Variants in VIRMA observed in about 807,000 individuals in gnomAD.
VIRMA encodes the protein vir like m6A methyltransferase associated.
In VIRMA, 65 loss-of-function variants were observed where a neutral mutation model predicts 182.4. The ratio of observed to expected loss-of-function variants is 0.36; its 90% CI spans 0.29 to 0.44. The LOEUF (loss-of-function observed/expected upper bound fraction) is 0.44. Among genes scored for constraint, VIRMA ranks in the 20% least tolerant of loss-of-function variants. The pLI, the probability that VIRMA is intolerant of heterozygous loss-of-function variation, is 1.00. For missense variants in VIRMA, 1,752 were observed against 2,158.1 expected (o/e 0.81, Z 3.73); for synonymous variants, 709 against 743.1 (o/e 0.95, Z 0.75).
chr8:94,494,101 A>AT (rs113208792), intron 20 of VIRMA, among the ~76,000 whole-genome samples: 46,093 of 151,932 alleles, frequency 0.3, 7,073 homozygotes, highest in South Asian at 0.47. Flanking sequence ...TACCCCGTCA[A>AT]GTAAGAAAAC....
chr8:94,540,599 C>G (rs1815514794), intron 2 of VIRMA, among the ~76,000 whole-genome samples: 2 of 151,658 alleles, frequency 1.3e-5, no homozygotes, highest in Non-Finnish European at 2.9e-5. Context: ...GTAGCTGAGA[C>G]TACAGGCACG....
intron 1 of VIRMA, among the ~76,000 whole-genome samples, chr8:94,552,578 T>A (rs1298432153): frequency 6.6e-6 from 1 of 152,150 alleles, no homozygotes; most frequent in Non-Finnish European, 1.5e-5. Context: ...TTTTTTTTTT[T>A]AACAATTTCT....
intron 1 of VIRMA, among the ~76,000 whole-genome samples, chr8:94,546,195 G>A (rs1164623379): frequency 6.6e-6 from 1 of 151,104 alleles, no homozygotes; most frequent in African/African-American, 2.5e-5. Flanking sequence ...TTCATCCACA[G>A]CCAGAGGACA....
chr8:94,526,423 A>G lies in VIRMA; in HGVS notation c.1821T>C (p.Ala607=). The change falls in exon 8 of 24, where the codon GCT becomes GCC. Residue 607 remains alanine (A), a synonymous_variant. Transcript: ENST00000297591. ...TNPEYENEVE[A]SMDMDLLESS... is the part of the protein sequence containing the mutation. ...ATTCCAAAAGATCCATATCCATAGAAGCTTCCACCTCATTTTCATATTCTG... is the reference window on the plus strand; with the variant it reads ...ATTCCAAAAGATCCATATCCATAGAGGCTTCCACCTCATTTTCATATTCTG... 1 of 1,613,870 alleles carries G rather than the reference A, an allele frequency of 6.2e-7. No homozygotes were observed. The highest frequency in any genetic ancestry group is 8.5e-7 in the Non-Finnish European group (1 of 1,179,946).
At chr8:94,521,243 G>T (rs1306481798) in intron 8 of VIRMA, among the ~76,000 whole-genome samples, 1 of 151,978 alleles carries the variant, frequency 6.6e-6, no homozygotes, top group African/African-American at 2.4e-5. Context: ...GTGTGTTGCT[G>T]CCCTCTCTGT....
chr8:94,513,263 G>C (rs1438069832), intron 11 of VIRMA, among the ~76,000 whole-genome samples: 1 of 152,072 alleles, frequency 6.6e-6, no homozygotes, highest in East Asian at 1.9e-4. Context: ...CTTGAATCTG[G>C]AAGATGGAAG....
intron 4 of VIRMA, among the ~76,000 whole-genome samples, chr8:94,536,795 C>T (rs996026578): frequency 1.5e-4 from 23 of 152,152 alleles, no homozygotes; most frequent in Middle Eastern, 6.8e-3. Context: ...CTGGCTAATA[C>T]GGTGAAACCC....
intron 5 of VIRMA, among the ~76,000 whole-genome samples, chr8:94,532,379 T>C (rs928272597): frequency 2.0e-5 from 3 of 152,224 alleles, no homozygotes; most frequent in Non-Finnish European, 4.4e-5. Flanking sequence ...AGTGCTGGGA[T>C]TACAGGCGTG....
chr8:94,512,941 T>C (rs1193853168), intron 11 of VIRMA, among the ~76,000 whole-genome samples: 2 of 152,192 alleles, frequency 1.3e-5, no homozygotes, highest in African/African-American at 2.4e-5. Flanking sequence ...GAAAAACAAA[T>C]ACAATTGCCT....
intron 17 of VIRMA, chr8:94,497,865 G>C (rs1191083893): frequency 6.6e-6 from 1 of 152,380 alleles, no homozygotes; most frequent in Non-Finnish European, 1.5e-5. Flanking sequence ...ACAAAAATTA[G>C]CCGGGTGTGA....
chr8:94,490,305 TG>T, intron 22 of VIRMA: 5 of 493,784 alleles, frequency 1.0e-5, no homozygotes, highest in Non-Finnish European at 1.4e-5. Flanking sequence ...TTATGTGCCC[TG>T]GTCAGCTGAC....
intron 6 of VIRMA, 70 bp downstream of exon 6, chr8:94,530,893 C>T: frequency 6.6e-7 from 1 of 1,526,478 alleles, no homozygotes; most frequent in Non-Finnish European, 8.8e-7. Flanking sequence ...AGAGTGAGAC[C>T]ATCTCAAAAC....
At chr8:94,531,878 T>C (rs763462433) in intron 5 of VIRMA, among the ~76,000 whole-genome samples, 1 of 152,200 alleles carries the variant, frequency 6.6e-6, no homozygotes, top group African/African-American at 2.4e-5. Context: ...ACTATTTATA[T>C]ATAATATGTT....
intron 11 of VIRMA, 24 bp downstream of exon 11, chr8:94,514,845 A>G: frequency 7.8e-7 from 1 of 1,283,184 alleles, no homozygotes; most frequent in Non-Finnish European, 1.1e-6. Flanking sequence ...AAAAAGTCAA[A>G]GCACTTTTAA....
intron 8 of VIRMA, among the ~76,000 whole-genome samples, chr8:94,524,739 G>GT (rs1159875732): frequency 6.6e-6 from 1 of 151,982 alleles, no homozygotes; most frequent in East Asian, 1.9e-4. Context: ...CTGGCCAGTG[G>GT]TTTTTCATCT....
At chr8:94,540,377 T>C (rs1018207219) in intron 2 of VIRMA, among the ~76,000 whole-genome samples, 1 of 151,808 alleles carries the variant, frequency 6.6e-6, no homozygotes, top group African/African-American at 2.4e-5. Context: ...AATAACAACA[T>C]ATATTTGCCT....
intron 1 of VIRMA, among the ~76,000 whole-genome samples, chr8:94,547,868 C>A (rs1243543704): frequency 1.4e-5 from 2 of 145,220 alleles, no homozygotes; most frequent in South Asian, 4.3e-4. Flanking sequence ...TCCATCTCTA[C>A]CAAAAAAAAA....
Position 94,511,402 on chromosome 8 carries a change from T to A in VIRMA, c.3173A>T (p.Gln1058Leu). 1.2e-6 allele frequency: 2 copies of A among 1,614,098 alleles called. No individual in the cohort carries two copies. The highest frequency in any genetic ancestry group is 1.7e-6 in the Non-Finnish European group (2 of 1,179,998). ...ATCAATGATATCATTCTGAATTTTC[T>A]GTTCATCACTATCCAAACGACCTGA... Reference protein sequence around the residue: ...PLSGRLDSDEQKIQNDIIDIL... With the variant: ...PLSGRLDSDELKIQNDIIDIL... The change falls in exon 13 of 24, where the codon CAG (glutamine) becomes CTG (leucine). Residue 1058 changes from glutamine to leucine, a missense_variant. Transcript: ENST00000297591.
rs1397745866 is a variant in VIRMA at position 94,531,033 on chromosome 8, T to G, written c.537A>C (p.Pro179=). The G allele has an allele frequency of 1.9e-6, 3 of 1,601,732 alleles. No homozygotes were observed. Among genetic ancestry groups the G allele is most frequent in the Non-Finnish European group, 2.6e-6 (3 of 1,174,636 alleles). ...QFNGSPPRPQ[P]RGPRTPPGPP... ...GTCCTGGAGGAGTTCTTGGTCCCCT[T>G]GGCTGTGGTCTTGGAGGGCTTCCAT... Residue 179 remains proline (P), a synonymous_variant, in exon 6 of 24, where the codon CCA becomes CCC. Transcript: ENST00000297591.
Sources: gnomAD v4.1 joint callset for allele counts (sites outside exome capture counted in the v4.1 genomes callset) on GRCh38, gnomAD v4.1.1 for gene constraint, MANE v1.5 for transcripts, NCBI Gene and HGNC (gene_info 2026-07-23, HGNC 2026-07-21) for gene names.